Variants in ZNF407 observed in about 807,000 individuals in gnomAD.
The protein encoded by ZNF407 is zinc finger protein 407.
In ZNF407, 17 loss-of-function variants were observed where a neutral mutation model predicts 131.2. The observed-to-expected ratio is 0.13, with a 90% CI of 0.09 to 0.19. The LOEUF is 0.19. Ranked by LOEUF, ZNF407 falls within the 10% of genes least tolerant of loss-of-function variation. The pLI is 1.00. For missense variants in ZNF407, 2,681 were observed against 2,830.6 expected, an observed-to-expected ratio of 0.95 and a Z score of 1.20; for synonymous variants, 1,156 against 1,062.0, an observed-to-expected ratio of 1.09 and a Z score of -1.72.
chr18:74,942,245 G>T (rs562560445), intron 8 of ZNF407, among the ~76,000 whole-genome samples: 12 of 152,334 alleles, frequency 7.9e-5, no homozygotes, highest in African/African-American at 2.9e-4. Flanking sequence ...TGTGAAGTGC[G>T]CTGCAGTCTC....
intron 1 of ZNF407, among the ~76,000 whole-genome samples, chr18:74,618,572 G>C (rs1983406327): frequency 6.6e-6 from 1 of 152,044 alleles, no homozygotes; most frequent in Non-Finnish European, 1.5e-5. Flanking sequence ...TTCCATCTAA[G>C]GGCTGGCTTT....
At chr18:74,611,871 T>C (rs188573159) in intron 1 of ZNF407, among the ~76,000 whole-genome samples, 1 of 152,224 alleles carries the variant, frequency 6.6e-6, no homozygotes, top group Admixed American at 6.5e-5. Context: ...CTGTAGGGAA[T>C]GTGATGCTAA....
intron 8 of ZNF407, among the ~76,000 whole-genome samples, chr18:75,054,005 C>A (rs577757005): frequency 1.3e-5 from 2 of 152,338 alleles, no homozygotes; most frequent in East Asian, 3.9e-4. Flanking sequence ...GGGATTTCTG[C>A]GGGTTTGGAT....
chr18:74,916,145 G>A (rs1185231361), intron 7 of ZNF407, among the ~76,000 whole-genome samples: 4 of 44,620 alleles, frequency 9.0e-5, no homozygotes, highest in Admixed American at 2.4e-4. Flanking sequence ...GTGTGTGCAT[G>A]CATGTGTGTG....
chr18:75,060,879 A>C (rs912118324), intron 8 of ZNF407, among the ~76,000 whole-genome samples: 1 of 152,226 alleles, frequency 6.6e-6, no homozygotes, highest in Non-Finnish European at 1.5e-5. Context: ...GAAAGAAGAT[A>C]TATTAATTAG....
chr18:74,712,650 G>A (rs1462368865), intron 3 of ZNF407, among the ~76,000 whole-genome samples: 1 of 152,222 alleles, frequency 6.6e-6, no homozygotes, highest in Non-Finnish European at 1.5e-5. Flanking sequence ...TAGGCAGGGT[G>A]TGATGCATGT....
intron 4 of ZNF407, among the ~76,000 whole-genome samples, chr18:74,815,094 A>G (rs1970250113): frequency 1.3e-5 from 2 of 152,126 alleles, no homozygotes; most frequent in African/African-American, 2.4e-5. Flanking sequence ...TAAATGGATC[A>G]TATTTTATCA....
chr18:75,039,255 A>C (rs1973344780), intron 8 of ZNF407, among the ~76,000 whole-genome samples: 1 of 152,236 alleles, frequency 6.6e-6, no homozygotes. Context: ...TCGATGTGTC[A>C]GTTTACACTG....
At chr18:74,998,083 G>A (rs569705216) in intron 8 of ZNF407, among the ~76,000 whole-genome samples, 16 of 152,300 alleles carry the variant, frequency 1.1e-4, no homozygotes, top group Admixed American at 4.6e-4. Context: ...CAGTGGGACC[G>A]CTGCACCCAC....
At chr18:74,866,405 A>G (rs931847134) in intron 4 of ZNF407, among the ~76,000 whole-genome samples, 14 of 152,288 alleles carry the variant, frequency 9.2e-5, no homozygotes, top group Non-Finnish European at 1.5e-4. Flanking sequence ...CTGACATGCT[A>G]GAAGGCCGAG....
chr18:74,685,513 G>T (rs1967077002), intron 3 of ZNF407, among the ~76,000 whole-genome samples: 1 of 152,078 alleles, frequency 6.6e-6, no homozygotes, highest in Non-Finnish European at 1.5e-5. Context: ...TGTCACTTCT[G>T]TGCTCAGCAC....
At chr18:75,021,938 A>G (rs1277432164) in intron 8 of ZNF407, among the ~76,000 whole-genome samples, 1 of 151,940 alleles carries the variant, frequency 6.6e-6, no homozygotes, top group Non-Finnish European at 1.5e-5. Context: ...CAAACAACAC[A>G]TTAAAATTTT....
rs1234160990 is a variant in ZNF407, at chr18:74,827,063, A to G, written c.4877+45561A>G. ...CCAGTTGTCACGTCTTCCTTAGTCT[A>G]CTTCAACCTGGAGCAGTTCTTTAGT... On this transcript the variant is annotated intron_variant, in intron 4 of 8. Transcript: ENST00000299687. Among the ~76,000 whole-genome samples the G allele has an allele frequency of 4.6e-5, 7 of 152,192 alleles. No homozygotes were observed. In the East Asian group the frequency reaches 1.3e-3, roughly 29 times the overall value.
chr18:74,842,841 A>G (rs1291313907), intron 4 of ZNF407, among the ~76,000 whole-genome samples: 1 of 152,050 alleles, frequency 6.6e-6, no homozygotes, highest in Non-Finnish European at 1.5e-5. Context: ...CTCATGCCTC[A>G]GTCTCCCAAG....
At chr18:74,807,294 G>GT (rs1160078099) in intron 4 of ZNF407, among the ~76,000 whole-genome samples, 1 of 152,204 alleles carries the variant, frequency 6.6e-6, no homozygotes, top group Non-Finnish European at 1.5e-5. Context: ...AACTGAAAGT[G>GT]TTGGGCTGCA....
chr18:74,960,137 T>C (rs1972322167), intron 8 of ZNF407, among the ~76,000 whole-genome samples: 2 of 152,232 alleles, frequency 1.3e-5, no homozygotes, highest in Admixed American at 1.3e-4. Context: ...AGTGCCTCTT[T>C]TTGGCACTTT....
At chr18:74,961,505 G>T (rs1345941294) in intron 8 of ZNF407, among the ~76,000 whole-genome samples, 1 of 152,144 alleles carries the variant, frequency 6.6e-6, no homozygotes, top group African/African-American at 2.4e-5. Context: ...GATCACTTGA[G>T]CCCAGGAGTT....
Position 74,634,611 on chromosome 18 carries a change from T to G in ZNF407, c.3592T>G (p.Phe1198Val). Residue 1198 changes from phenylalanine (F) to valine (V), a missense_variant, in exon 2 of 9, where the codon TTT (phenylalanine) becomes GTT (valine). Physicochemically the swap from Phe to Val is conservative, Grantham distance 50. Coordinates refer to ENST00000299687, the MANE Select transcript of ZNF407 (RefSeq NM_017757.3). ...CTCAAACTATGGCTCCCCAAGCAGA[T>G]TTCAAAATGAAAATTCAGGAAGCTC... ...MSSNYGSPSR[F>V]QNENSGSSAL... is the part of the protein sequence containing the mutation. 6.2e-7 allele frequency: 1 copy of G among 1,613,894 alleles called. No homozygotes were observed. The highest frequency in any genetic ancestry group is 8.5e-7 in the Non-Finnish European group (1 of 1,179,888).
At chr18:74,938,564 C>A (rs1972064385) in intron 8 of ZNF407, among the ~76,000 whole-genome samples, 1 of 152,030 alleles carries the variant, frequency 6.6e-6, no homozygotes, top group Admixed American at 6.6e-5. Flanking sequence ...TCGTTGGTAC[C>A]TTTCAAATGT....
Sources: allele counts gnomAD v4.1 joint callset (sites outside exome capture counted in the v4.1 genomes callset), GRCh38; gene constraint gnomAD v4.1.1; transcripts MANE v1.5; gene names NCBI Gene and HGNC (gene_info 2026-07-23, HGNC 2026-07-21).